The following GRIK3 variants were observed in gnomAD, a reference collection of about 807,000 sequenced individuals.
The protein encoded by GRIK3 is glutamate receptor ionotropic, kainate 3.
GRIK3 carries 29 observed loss-of-function variants against 102.5 expected under a neutral mutation model. The observed-to-expected ratio is 0.28, with a 90% confidence interval of 0.21 to 0.39. The LOEUF (loss-of-function observed/expected upper bound fraction) is 0.39, where lower values mean the gene tolerates loss of function less well. Among genes scored for constraint, GRIK3 ranks in the 10% least tolerant of loss-of-function variants. The pLI, the probability that GRIK3 is intolerant of heterozygous loss-of-function variation, is 1.00. For missense variants in GRIK3, 908 were observed against 1,252.4 expected, an observed-to-expected ratio of 0.73 and a Z score of 4.15; for synonymous variants, 511 against 504.9, an observed-to-expected ratio of 1.01 and a Z score of -0.16.
At chr1:36,878,325 C>G (rs1035239127) in intron 3 of GRIK3, among the ~76,000 whole-genome samples, 1 of 152,236 alleles carries the variant, frequency 6.6e-6, no homozygotes, top group Admixed American at 6.5e-5. Context: ...ATAAGCCAGG[C>G]TGGGGATCCC....
chr1:37,024,586 T>C (rs1451424189), intron 1 of GRIK3, among the ~76,000 whole-genome samples: 1 of 150,980 alleles, frequency 6.6e-6, no homozygotes, highest in Non-Finnish European at 1.5e-5. Context: ...CTACTAAAAA[T>C]AGAAAAATTA....
intron 1 of GRIK3, among the ~76,000 whole-genome samples, chr1:37,017,737 A>G (rs1395346931): frequency 6.6e-6 from 1 of 152,178 alleles, no homozygotes; most frequent in African/African-American, 2.4e-5. Context: ...TTTTTTAAAA[A>G]GACTCTCTCC....
At chr1:37,018,108 C>T (rs1166819726) in intron 1 of GRIK3, among the ~76,000 whole-genome samples, 1 of 152,190 alleles carries the variant, frequency 6.6e-6, no homozygotes, top group East Asian at 1.9e-4. Context: ...CAACCCTAAA[C>T]CTCATCTTTG....
chr1:36,888,825 C>T (rs1427102290), intron 2 of GRIK3, among the ~76,000 whole-genome samples: 3 of 152,110 alleles, frequency 2.0e-5, no homozygotes, highest in African/African-American at 7.2e-5. Context: ...CTGCTTGTAC[C>T]ACAACACTTC....
chr1:37,029,688 G>C (rs1018242431), intron 1 of GRIK3, among the ~76,000 whole-genome samples: 1 of 152,256 alleles, frequency 6.6e-6, no homozygotes, highest in Non-Finnish European at 1.5e-5. Flanking sequence ...GGAGGGGACT[G>C]TTTCCTGGGA....
rs543531865 is a variant in GRIK3 at position 36,808,775 on chromosome 1, C to T, written c.2092-2449G>A. On this transcript the variant is annotated intron_variant, in intron 13 of 15. Coordinates refer to ENST00000373091, the MANE Select transcript of GRIK3 (RefSeq NM_000831.4). ...AATATTGTTTTAAAACATGAAGTTT[C>T]GGGTAATTTGGTATGCAGCAATAGA... Among the ~76,000 whole-genome samples the T allele has an allele frequency of 3.9e-5, 6 of 152,316 alleles. No individual in the cohort carries two copies. In the South Asian group the frequency reaches 8.3e-4, roughly 21 times the overall value.
intron 14 of GRIK3, among the ~76,000 whole-genome samples, chr1:36,805,728 G>A (rs569402889): frequency 6.6e-6 from 1 of 151,972 alleles, no homozygotes; most frequent in Non-Finnish European, 1.5e-5. Context: ...CGTGAGGTCG[G>A]GAGTTCGAGA....
rs746513520 is a variant in GRIK3 at position 36,825,614 on chromosome 1, G to A, written c.1743C>T (p.Phe581=). 8.9e-6 allele frequency: 14 copies of A among 1,578,216 alleles called. No individual in the cohort carries two copies. The highest frequency in any genetic ancestry group is 4.7e-5 in the South Asian group (4 of 85,296). The change falls in exon 11 of 16, where the codon TTC becomes TTT. Residue 581 remains phenylalanine (F), a synonymous_variant. Transcript: ENST00000373091. ...AGGAATTGCCTTACCTGGCGATGAC[G>A]AAGAGGACACAGCTGACCCCCAGGT... ...LAYLGVSCVL[F]VIARFSPYEW...
intron 1 of GRIK3, among the ~76,000 whole-genome samples, chr1:36,946,639 T>C (rs913333229): frequency 6.6e-6 from 1 of 152,142 alleles, no homozygotes; most frequent in African/African-American, 2.4e-5. Context: ...GTAATAATCA[T>C]AGCGTCAGCC....
chr1:36,896,670 C>A (rs995230492), intron 1 of GRIK3, among the ~76,000 whole-genome samples: 1 of 152,116 alleles, frequency 6.6e-6, no homozygotes, highest in Admixed American at 6.5e-5. Context: ...TATATCAATT[C>A]TCATTTTAAA....
intron 1 of GRIK3, among the ~76,000 whole-genome samples, chr1:36,955,571 CT>C (rs1420232615): frequency 2.6e-5 from 4 of 152,174 alleles, no homozygotes; most frequent in Non-Finnish European, 5.9e-5. Context: ...GGCTGCCCTG[CT>C]CCATACAAAC....
At chr1:37,017,309 G>A (rs1396282367) in intron 1 of GRIK3, among the ~76,000 whole-genome samples, 1 of 135,152 alleles carries the variant, frequency 7.4e-6, no homozygotes, top group Non-Finnish European at 1.5e-5. Flanking sequence ...CGAGGCAGGA[G>A]GATAACTTGA....
chr1:36,960,802 T>C (rs1217308169), intron 1 of GRIK3, among the ~76,000 whole-genome samples: 2 of 152,118 alleles, frequency 1.3e-5, no homozygotes, highest in Non-Finnish European at 2.9e-5. Context: ...TCAGCATCCC[T>C]CCTTCCCCCA....
chr1:36,821,065 G>A (rs1642691215), intron 11 of GRIK3, among the ~76,000 whole-genome samples: 1 of 152,142 alleles, frequency 6.6e-6, no homozygotes. Flanking sequence ...GTGGAATTTT[G>A]TTTCATTTTT....
At chr1:37,011,180 T>C (rs1310954493) in intron 1 of GRIK3, among the ~76,000 whole-genome samples, 1 of 152,212 alleles carries the variant, frequency 6.6e-6, no homozygotes, top group Non-Finnish European at 1.5e-5. Flanking sequence ...TTTAAATCTC[T>C]GCTCTGAAAT....
At chr1:37,017,214 C>CA (rs35643683) in intron 1 of GRIK3, among the ~76,000 whole-genome samples, 1,425 of 131,310 alleles carry the variant, frequency 0.011, 17 homozygotes, top group African/African-American at 0.031. Flanking sequence ...GACTTTGTCT[C>CA]AAAAAAAAAA....
intron 11 of GRIK3, among the ~76,000 whole-genome samples, chr1:36,821,256 CT>C (rs1279424043): frequency 2.6e-5 from 4 of 152,202 alleles, no homozygotes; most frequent in Admixed American, 2.6e-4. Context: ...AGACAGGGAT[CT>C]TCAAAGGAAA....
At chr1:36,953,366 G>A (rs1033842863) in intron 1 of GRIK3, among the ~76,000 whole-genome samples, 1 of 152,196 alleles carries the variant, frequency 6.6e-6, no homozygotes, top group Non-Finnish European at 1.5e-5. Flanking sequence ...CTGTTGAGCC[G>A]AGACCTGCAG....
intron 15 of GRIK3, among the ~76,000 whole-genome samples, chr1:36,804,021 C>T (rs982400794): frequency 3.9e-4 from 60 of 152,224 alleles, no homozygotes; most frequent in Non-Finnish European, 7.3e-5. Flanking sequence ...AAGTTGCTTT[C>T]CAGAAAAGTA....
Sources: gnomAD v4.1 joint callset for allele counts (sites outside exome capture counted in the v4.1 genomes callset) on GRCh38, gnomAD v4.1.1 for gene constraint, MANE v1.5 for transcripts, NCBI Gene and HGNC (gene_info 2026-07-23, HGNC 2026-07-21) for gene names.